Variants in BOP1 observed in about 807,000 individuals in gnomAD.
The protein encoded by BOP1 is BOP1 ribosomal biogenesis factor, also known as ribosome biogenesis protein BOP1.
BOP1 carries 54 observed loss-of-function variants against 82.9 expected under a neutral mutation model. That is an observed-to-expected ratio of 0.65 (90% CI 0.52 to 0.82). The LOEUF (loss-of-function observed/expected upper bound fraction) is 0.82, where lower values mean the gene tolerates loss of function less well. Among genes scored for constraint, BOP1 ranks in the 40% least tolerant of loss-of-function variants. The pLI is 0.00. For synonymous variants in BOP1, 566 were observed against 451.1 expected (o/e 1.25, Z -3.23); for missense variants, 1,170 against 1,072.0 (o/e 1.09, Z -1.28).
intron 3 of BOP1, among the ~76,000 whole-genome samples, chr8:144,271,253 A>G (rs1554837746): frequency 6.6e-6 from 1 of 151,434 alleles, no homozygotes; most frequent in African/African-American, 2.4e-5. Context: ...CCCCTCCCCA[A>G]AGTGGCTGCA....
At chr8:144,262,349 C>G (rs1554836488) in intron 15 of BOP1, 32 bp from the exon 16 acceptor site, 1 of 1,612,714 alleles carries the variant, frequency 6.2e-7, no homozygotes, top group Admixed American at 1.7e-5. Context: ...AGGGCACGGC[C>G]AGACACCACT....
intron 2 of BOP1, among the ~76,000 whole-genome samples, chr8:144,281,316 T>C (rs1183716604): frequency 2.0e-3 from 13 of 6,460 alleles, no homozygotes; most frequent in Admixed American, 6.7e-3. Flanking sequence ...ACCAGGTCTT[T>C]GGCCTTCTCT....
At position 144,263,730 on chromosome 8, in the gene BOP1, C is replaced by T; in HGVS notation, c.1253G>A (p.Cys418Tyr). Residue 418 changes from cysteine (C) to tyrosine (Y), a missense_variant, in exon 10 of 16, where the codon TGC becomes TAC. Coordinates refer to ENST00000569669, the MANE Select transcript of BOP1 (RefSeq NM_015201.5). ...CTGGCCCCCAGGAGAGACACTGAGG[C>T]ACCGGACAAGGTCACTGTGGCCCCT... Reference protein sequence around the residue: ...VYRGHSDLVRCLSVSPGGQWL... With the variant: ...VYRGHSDLVRYLSVSPGGQWL... The T allele has an allele frequency of 6.3e-7, 1 of 1,576,526 alleles. No individual in the cohort carries two copies.
At chr8:144,268,786 C>T (rs1427172877) in intron 3 of BOP1, among the ~76,000 whole-genome samples, 2 of 152,072 alleles carry the variant, frequency 1.3e-5, no homozygotes, top group South Asian at 2.1e-4. Flanking sequence ...AAGGCAGGGA[C>T]GCTGTAAGGC....
chr8:144,268,904 G>C (rs538534979), intron 3 of BOP1, among the ~76,000 whole-genome samples: 2 of 152,222 alleles, frequency 1.3e-5, no homozygotes, highest in Admixed American at 1.3e-4. Flanking sequence ...GGGCGCTGCA[G>C]GTGGCCACAA....
At position 144,262,929 on chromosome 8, in the gene BOP1, G is replaced by T. The variant is rs1554836656; in HGVS notation, c.1818C>A (p.His606Gln). 2 of 1,549,956 alleles carry T rather than the reference G, an allele frequency of 1.3e-6. No individual in the cohort carries two copies. The highest frequency in any genetic ancestry group is 1.2e-5 in the South Asian group (1 of 85,150). The change falls in exon 13 of 16, where the codon CAC becomes CAA. Residue 606 changes from histidine to glutamine, a missense_variant. His to Gln is a conservative substitution (Grantham distance 24). Transcript: ENST00000569669. The part of the protein sequence containing the change: ...VASQRSVRLY[H>Q]LLRQELTKKL... ...TCTTGGTGAGCTCCTGGCGCAGCAG[G>T]TGGTAGAGGCGGACGCTGCGCTGGG... is the stretch of plus-strand genomic sequence containing the variant.
At chr8:144,266,440 G>C (rs1247147651) in intron 3 of BOP1, 39 of 933,148 alleles carry the variant, frequency 4.2e-5, no homozygotes, top group Non-Finnish European at 4.0e-5. Flanking sequence ...GGCGCAGCTC[G>C]GGGCCCCGCT....
chr8:144,267,173 G>GA, intron 3 of BOP1: 4 of 1,528,406 alleles, frequency 2.6e-6, no homozygotes, highest in Non-Finnish European at 3.5e-6. Context: ...AGCAACCAGA[G>GA]AAAGTTGGTG....
rs1171177368 is a variant in BOP1 at position 144,263,090 on chromosome 8, G to A, written c.1657C>T (p.Leu553=). ...HGRGDYLAVV[L]ATQGHTQVLI... is the part of the protein sequence containing the mutation. ...ACCTGGGTGTGGCCTTGGGTGGCCA[G>A]CACCACGGCCAGGTAGTCCCCACGC... The change falls in exon 13 of 16, where the codon CTG becomes TTG. Residue 553 remains leucine, a synonymous_variant. Coordinates refer to ENST00000569669, the MANE Select transcript of BOP1 (RefSeq NM_015201.5). The A allele has an allele frequency of 5.7e-6, 9 of 1,591,334 alleles. No individual in the cohort carries two copies. The highest frequency in any genetic ancestry group is 7.6e-6 in the Non-Finnish European group (9 of 1,177,854).
In BOP1 at chr8:144,263,360, C is replaced by T. The variant is rs937020500; in HGVS notation, c.1466G>A (p.Arg489Gln). ...CTGATCTGTGCTGCCCGCCACCAGC[C>T]GGTCCCCCAGAGCTGGGTTCAGCAG... ...VLLLNPALGD[R>Q]LVAGSTDQLL... is the part of the protein sequence containing the mutation. The change falls in exon 12 of 16, where the codon CGG becomes CAG. Residue 489 changes from arginine to glutamine, a missense_variant. Coordinates refer to ENST00000569669, the MANE Select transcript of BOP1 (RefSeq NM_015201.5). The T allele has an allele frequency of 1.1e-5, 18 of 1,596,872 alleles. No homozygotes were observed. The highest frequency in any genetic ancestry group is 9.3e-5 in the African/African-American group (7 of 74,986).
chr8:144,287,298 C>A (rs1814912311), intron 2 of BOP1, among the ~76,000 whole-genome samples: 1 of 152,188 alleles, frequency 6.6e-6, no homozygotes, highest in Non-Finnish European at 1.5e-5. Context: ...GCGTGAGCCA[C>A]CACGCCCGCT....
chr8:144,270,595 G>A (rs937745285), intron 3 of BOP1, among the ~76,000 whole-genome samples: 6 of 152,094 alleles, frequency 3.9e-5, no homozygotes, highest in Admixed American at 2.0e-4. Context: ...GGGGAGGGGC[G>A]GGGGAGGAAC....
At chr8:144,276,028 C>G (rs1242866491) in intron 3 of BOP1, among the ~76,000 whole-genome samples, 196 bp downstream of exon 3, 2 of 152,210 alleles carry the variant, frequency 1.3e-5, no homozygotes, top group Non-Finnish European at 2.9e-5. Context: ...ACATTGCAGT[C>G]TTGTGTCCCA....
At chr8:144,276,713 C>T (rs900117284) in intron 2 of BOP1, among the ~76,000 whole-genome samples, 3 of 152,218 alleles carry the variant, frequency 2.0e-5, no homozygotes, top group African/African-American at 4.8e-5. Context: ...GCGCTCCTGC[C>T]GAGCCCCGCC....
At chr8:144,265,150 AGGGG>A in intron 3 of BOP1, 79 bp from the exon 4 acceptor site, 2 of 1,505,936 alleles carry the variant, frequency 1.3e-6, no homozygotes, top group Non-Finnish European at 1.8e-6. Context: ...GGAGCAGGTG[AGGGG>A]GTTGCAGGGG....
chr8:144,269,744 C>T (rs1845461422), intron 3 of BOP1, among the ~76,000 whole-genome samples: 1 of 152,238 alleles, frequency 6.6e-6, no homozygotes, highest in Admixed American at 6.5e-5. Context: ...GCCGGGAAGC[C>T]AGGGCCCGGG....
intron 2 of BOP1, among the ~76,000 whole-genome samples, chr8:144,288,245 G>T (rs1365483596): frequency 6.0e-5 from 9 of 151,038 alleles, no homozygotes; most frequent in African/African-American, 2.2e-4. Context: ...ACTCCAGCCT[G>T]GGCAACAGAG....
intron 2 of BOP1, among the ~76,000 whole-genome samples, chr8:144,281,085 CTCACTT>C (rs1845668564): frequency 6.6e-6 from 1 of 150,916 alleles, no homozygotes; most frequent in Admixed American, 6.6e-5. Flanking sequence ...TCGGCCTTCT[CTCACTT>C]TAATACCAGG....
chr8:144,268,732 G>A (rs1193436128), intron 3 of BOP1, among the ~76,000 whole-genome samples: 2 of 152,212 alleles, frequency 1.3e-5, no homozygotes, highest in Non-Finnish European at 2.9e-5. Flanking sequence ...GGGAGAGAGG[G>A]TGGGGGAGGA....
Sources: gnomAD v4.1 joint callset for allele counts (sites outside exome capture counted in the v4.1 genomes callset) on GRCh38, gnomAD v4.1.1 for gene constraint, MANE v1.5 for transcripts, NCBI Gene and HGNC (gene_info 2026-07-23, HGNC 2026-07-21) for gene names.